The following TXNRD1 variants were observed in gnomAD, a reference collection of about 807,000 sequenced individuals.
TXNRD1 encodes the protein thioredoxin reductase 1.
A neutral mutation model predicts 80.3 loss-of-function variants in TXNRD1; 57 were observed. The observed-to-expected ratio is 0.71, with a 90% CI of 0.57 to 0.89. The LOEUF is 0.89. Among genes scored for constraint, TXNRD1 ranks in the 40% least tolerant of loss-of-function variants. The probability of loss-of-function intolerance (pLI) is 0.00; values close to 1 mark genes in which losing one functional copy is unlikely to be tolerated. For missense variants in TXNRD1, 730 were observed against 803.0 expected (o/e 0.91, Z 1.10); for synonymous variants, 291 against 285.2 (o/e 1.02, Z -0.20).
intron 3 of TXNRD1, among the ~76,000 whole-genome samples, chr12:104,268,600 A>C (rs12816641): frequency 0.91 from 137,906 of 152,014 alleles, 62,794 homozygotes; most frequent in African/African-American, 0.98. Flanking sequence ...CTCACTGCAA[A>C]CTCTGCCTCC....
chr12:104,279,366 A>G (rs1165233165), intron 3 of TXNRD1, among the ~76,000 whole-genome samples: 1 of 152,226 alleles, frequency 6.6e-6, no homozygotes, highest in Non-Finnish European at 1.5e-5. Flanking sequence ...GGTTTTCCCA[A>G]GGAAAACCTG....
At chr12:104,325,309 T>A in intron 10 of TXNRD1, 28 bp from the exon 11 acceptor site, 1 of 1,549,506 alleles carries the variant, frequency 6.5e-7, no homozygotes. Context: ...TGTCTTTATT[T>A]CACAGTAAAA....
At chr12:104,294,289 G>C (rs1471167950) in intron 4 of TXNRD1, among the ~76,000 whole-genome samples, 1 of 145,530 alleles carries the variant, frequency 6.9e-6, no homozygotes, top group Non-Finnish European at 1.5e-5. Context: ...GTTGTTTCTT[G>C]ACACCTTTTG....
At chr12:104,271,228 C>T (rs1305997001) in intron 3 of TXNRD1, among the ~76,000 whole-genome samples, 1 of 150,214 alleles carries the variant, frequency 6.7e-6, no homozygotes, top group African/African-American at 2.5e-5. Context: ...CTCTGTCGCC[C>T]AGGCTAGAGT....
At chr12:104,303,182 G>C (rs944388149) in intron 4 of TXNRD1, among the ~76,000 whole-genome samples, 1 of 152,190 alleles carries the variant, frequency 6.6e-6, no homozygotes, top group Non-Finnish European at 1.5e-5. Context: ...GGATATTGGA[G>C]GCTCCCCCGA....
At chr12:104,316,906 G>A (rs1325408045) in intron 7 of TXNRD1, among the ~76,000 whole-genome samples, 1 of 151,968 alleles carries the variant, frequency 6.6e-6, no homozygotes, top group Non-Finnish European at 1.5e-5. Context: ...GGCTTTTTTG[G>A]GGTTTTAATT....
At chr12:104,254,938 C>G (rs1447011497) in intron 2 of TXNRD1, among the ~76,000 whole-genome samples, 2 of 151,688 alleles carry the variant, frequency 1.3e-5, no homozygotes, top group Non-Finnish European at 2.9e-5. Context: ...AACCCTGTCT[C>G]TTCTAAAACT....
intron 3 of TXNRD1, among the ~76,000 whole-genome samples, chr12:104,263,450 A>C (rs2033410500): frequency 6.6e-6 from 1 of 152,014 alleles, no homozygotes; most frequent in Admixed American, 6.6e-5. Context: ...TTGCACACAC[A>C]TGTGGTGGTG....
At chr12:104,247,026 G>C in intron 1 of TXNRD1, among the ~76,000 whole-genome samples, 1 of 151,992 alleles carries the variant, frequency 6.6e-6, no homozygotes, top group East Asian at 1.9e-4. Flanking sequence ...AAAAAAGTTG[G>C]GGCAAAATGA....
chr12:104,258,749 G>T (rs1222373067), intron 3 of TXNRD1, among the ~76,000 whole-genome samples: 2 of 152,048 alleles, frequency 1.3e-5, no homozygotes, highest in African/African-American at 4.8e-5. Context: ...AAGAGTGAGA[G>T]CTTGTCTCTA....
chr12:104,322,827 A>G (rs1016832507), intron 10 of TXNRD1, among the ~76,000 whole-genome samples: 2 of 148,582 alleles, frequency 1.3e-5, no homozygotes, highest in African/African-American at 5.0e-5. Flanking sequence ...TTTTTTATTG[A>G]TAATTCTTGG....
intron 4 of TXNRD1, among the ~76,000 whole-genome samples, chr12:104,307,167 C>T (rs905511285): frequency 2.0e-5 from 3 of 152,200 alleles, no homozygotes; most frequent in South Asian, 2.1e-4. Context: ...AAACTGACTG[C>T]TTACCTTGAA....
chr12:104,255,311 T>C (rs1468198899), intron 2 of TXNRD1, among the ~76,000 whole-genome samples: 1 of 152,054 alleles, frequency 6.6e-6, no homozygotes, highest in Non-Finnish European at 1.5e-5. Context: ...TAGTCCCTAT[T>C]ATGCCCCAGA....
chr12:104,300,249 G>C (rs998979772), intron 4 of TXNRD1, among the ~76,000 whole-genome samples: 1 of 152,168 alleles, frequency 6.6e-6, no homozygotes, highest in African/African-American at 2.4e-5. Context: ...AGGAGAAAAG[G>C]GTGAAGAAAA....
chr12:104,308,297 C>G (rs1184744632), intron 4 of TXNRD1, among the ~76,000 whole-genome samples: 3 of 152,032 alleles, frequency 2.0e-5, no homozygotes, highest in Admixed American at 6.6e-5. Context: ...GCCTCGCTGC[C>G]CTTTTCACTC....
intron 4 of TXNRD1, among the ~76,000 whole-genome samples, chr12:104,310,645 G>T (rs1237656874): frequency 6.6e-6 from 1 of 152,096 alleles, no homozygotes; most frequent in East Asian, 1.9e-4. Context: ...TAAAAATTAA[G>T]TCTAACACCT....
chr12:104,340,437 A>C lies in TXNRD1; in HGVS notation c.1881+1164A>C, dbSNP rs546820132. ...AGTACCACAAACTGGGTGGCTTAAA[A>C]ATAGCAGATATTTCCTCCCTCTCAG... On this transcript the variant is annotated intron_variant, in intron 16 of 16. Transcript: ENST00000525566. 1.2e-4 allele frequency among the ~76,000 whole-genome samples: 18 copies of C among 152,306 alleles called. No individual in the cohort carries two copies. The South Asian group carries it at 3.7e-3, about 32-fold the overall frequency.
At chr12:104,251,488 C>T in intron 1 of TXNRD1, 39 bp from the exon 2 acceptor site, 6 of 1,598,302 alleles carry the variant, frequency 3.8e-6, no homozygotes, top group Non-Finnish European at 5.1e-6. Context: ...TCATGTTTTC[C>T]TTTGTGATAA....
At chr12:104,293,988 GCTTACGCCATTATTT>G (rs1208635060) in intron 4 of TXNRD1, among the ~76,000 whole-genome samples, 1 of 152,156 alleles carries the variant, frequency 6.6e-6, no homozygotes, top group Non-Finnish European at 1.5e-5. Context: ...GAGAAAGACA[GCTTACGCCATTATTT>G]CTACACATCA....
Sources: gnomAD v4.1 joint callset for allele counts (sites outside exome capture counted in the v4.1 genomes callset) on GRCh38, gnomAD v4.1.1 for gene constraint, MANE v1.5 for transcripts, NCBI Gene and HGNC (gene_info 2026-07-23, HGNC 2026-07-21) for gene names.